The following MTUS1 variants were observed in gnomAD, a reference collection of about 807,000 sequenced individuals.
MTUS1 encodes microtubule associated scaffold protein 1.
Under a neutral mutation model 120.8 loss-of-function variants are expected in MTUS1, and 109 were observed. That is an observed-to-expected ratio of 0.90 (90% CI 0.77 to 1.06). The LOEUF (loss-of-function observed/expected upper bound fraction) is 1.06, where lower values mean the gene tolerates loss of function less well. MTUS1 is among the 50% of genes least tolerant of loss of function. The probability of loss-of-function intolerance (pLI) is 0.00; values close to 1 mark genes in which losing one functional copy is unlikely to be tolerated. For synonymous variants in MTUS1, 737 were observed against 550.5 expected (o/e 1.34, Z -4.74); for missense variants, 2,210 against 1,486.3 (o/e 1.49, Z -8.01).
chr8:17,741,162 AG>A (rs368535837), intron 3 of MTUS1, among the ~76,000 whole-genome samples: 129 of 152,126 alleles, frequency 8.5e-4, no homozygotes, highest in African/African-American at 2.3e-3. Flanking sequence ...TACAAGCGTG[AG>A]CCACCATGCC....
intron 2 of MTUS1, among the ~76,000 whole-genome samples, chr8:17,750,575 A>C (rs888080234): frequency 6.6e-6 from 1 of 152,200 alleles, no homozygotes; most frequent in East Asian, 1.9e-4. Flanking sequence ...TCCCAATTTT[A>C]CTATTTACCA....
intron 12 of MTUS1, among the ~76,000 whole-genome samples, chr8:17,652,004 G>C (rs961808514): frequency 1.1e-4 from 16 of 152,238 alleles, no homozygotes; most frequent in African/African-American, 3.6e-4. Flanking sequence ...AATAGCTAGA[G>C]GGTCTCCCAA....
intron 7 of MTUS1, among the ~76,000 whole-genome samples, chr8:17,680,722 C>T (rs899589143): frequency 1.3e-5 from 2 of 152,078 alleles, no homozygotes; most frequent in East Asian, 3.9e-4. Flanking sequence ...AAGGCCTCGG[C>T]TTGTGTTTAG....
chr8:17,775,393 G>A (rs1198641909), intron 1 of MTUS1, among the ~76,000 whole-genome samples: 1 of 152,058 alleles, frequency 6.6e-6, no homozygotes, highest in Non-Finnish European at 1.5e-5. Flanking sequence ...CCGGGATCCT[G>A]AAACTTCAGG....
At chr8:17,759,389 G>T (rs959955051) in intron 1 of MTUS1, among the ~76,000 whole-genome samples, 6 of 151,174 alleles carry the variant, frequency 4.0e-5, no homozygotes, top group African/African-American at 1.5e-4. Flanking sequence ...TCAGCCTCCC[G>T]AGTAGCTGTG....
At chr8:17,775,862 G>A (rs1410238281) in intron 1 of MTUS1, among the ~76,000 whole-genome samples, 1 of 152,184 alleles carries the variant, frequency 6.6e-6, no homozygotes, top group Non-Finnish European at 1.5e-5. Flanking sequence ...CACACAGCCC[G>A]ATACTGAGTC....
At chr8:17,712,251 G>C (rs1403305351) in intron 6 of MTUS1, among the ~76,000 whole-genome samples, 2 of 152,092 alleles carry the variant, frequency 1.3e-5, no homozygotes, top group South Asian at 2.1e-4. Context: ...GGATTTAGAA[G>C]GCACATAACT....
At chr8:17,658,131 A>G (rs1808862419) in intron 8 of MTUS1, among the ~76,000 whole-genome samples, 1 of 151,394 alleles carries the variant, frequency 6.6e-6, no homozygotes, top group Non-Finnish European at 1.5e-5. Context: ...TCCAACTCCC[A>G]GGTTCAAGCG....
At chr8:17,676,106 C>G (rs1399761367) in intron 7 of MTUS1, 7 of 599,480 alleles carry the variant, frequency 1.2e-5, no homozygotes, top group African/African-American at 1.9e-5. Flanking sequence ...GAGGATCACC[C>G]AAGACGGAGC....
chr8:17,712,062 T>C (rs1302024742), intron 6 of MTUS1, among the ~76,000 whole-genome samples: 1 of 152,016 alleles, frequency 6.6e-6, no homozygotes, highest in African/African-American at 2.4e-5. Context: ...ATAATAATAA[T>C]GAAAAAGCTT....
intron 9 of MTUS1, 83 bp from the exon 10 acceptor site, chr8:17,654,749 C>T (rs1165176964): frequency 7.6e-6 from 7 of 920,176 alleles, no homozygotes; most frequent in East Asian, 4.9e-5. Flanking sequence ...CATTAGGAGA[C>T]GTCACAGCTT....
chr8:17,700,339 AG>A (rs1438524852), intron 6 of MTUS1, among the ~76,000 whole-genome samples: 1 of 151,898 alleles, frequency 6.6e-6, no homozygotes, highest in African/African-American at 2.4e-5. Context: ...GCATGGTGAC[AG>A]GGGCCTGTAA....
At chr8:17,734,318 C>T (rs2046787537) in intron 3 of MTUS1, 1 of 152,182 alleles carries the variant, frequency 6.6e-6, no homozygotes, top group Non-Finnish European at 1.5e-5. Context: ...TTCTTGAGTT[C>T]ATCAAGGCAA....
intron 8 of MTUS1, among the ~76,000 whole-genome samples, chr8:17,657,985 A>G (rs1808805811): frequency 6.6e-6 from 1 of 150,720 alleles, no homozygotes; most frequent in South Asian, 2.1e-4. Flanking sequence ...ACATATACAT[A>G]TATAATACAT....
At chr8:17,704,508 G>C (rs946666913) in intron 6 of MTUS1, among the ~76,000 whole-genome samples, 1 of 152,134 alleles carries the variant, frequency 6.6e-6, no homozygotes, top group African/African-American at 2.4e-5. Flanking sequence ...AGTTTTCCCA[G>C]TACTATCTAC....
intron 6 of MTUS1, among the ~76,000 whole-genome samples, chr8:17,696,593 A>C (rs1412335717): frequency 1.3e-5 from 2 of 152,238 alleles, no homozygotes; most frequent in East Asian, 3.8e-4. Flanking sequence ...AAAAGTGAGC[A>C]GACAGGTCAC....
At chr8:17,746,283 T>G (rs999676832) in intron 2 of MTUS1, among the ~76,000 whole-genome samples, 5 of 152,170 alleles carry the variant, frequency 3.3e-5, no homozygotes, top group African/African-American at 1.2e-4. Context: ...CAACCAGTAC[T>G]CTCTCCTGAG....
Position 17,754,396 on chromosome 8 carries a change from G to C in MTUS1, c.1412C>G (p.Pro471Arg), listed in dbSNP as rs1435062854. ...LKNIPDSKEAPVNLCKPSLGK... is the reference protein window; with the variant it reads ...LKNIPDSKEARVNLCKPSLGK... ...TAAACTGGGTTTACACAGGTTCACA[G>C]GTGCCTCCTTCGAGTCTGGTATGTT... is the stretch of plus-strand genomic sequence containing the variant. Residue 471 changes from proline to arginine, a missense_variant, in exon 2 of 15, where the codon CCT becomes CGT. By Grantham distance (103) the Pro-to-Arg change is moderately radical (BLOSUM62 -2). Coordinates refer to ENST00000693296, the MANE Select transcript of MTUS1 (RefSeq NM_001363059.2). 6.2e-7 allele frequency: 1 copy of C among 1,614,108 alleles called. No individual in the cohort carries two copies. The highest frequency in any genetic ancestry group is 2.2e-5 in the East Asian group (1 of 44,880).
At chr8:17,798,414 C>A (rs577862278) in intron 1 of MTUS1, among the ~76,000 whole-genome samples, 2 of 152,034 alleles carry the variant, frequency 1.3e-5, no homozygotes, top group South Asian at 4.2e-4. Flanking sequence ...CTCACTGCAA[C>A]CTCCACCTCC....
Sources: allele counts gnomAD v4.1 joint callset (sites outside exome capture counted in the v4.1 genomes callset), GRCh38; gene constraint gnomAD v4.1.1; transcripts MANE v1.5; gene names NCBI Gene and HGNC (gene_info 2026-07-23, HGNC 2026-07-21).